Variants in ANTXR1 observed in about 807,000 individuals in gnomAD.
The protein encoded by ANTXR1 is ANTXR cell adhesion molecule 1, also known as anthrax toxin receptor 1.
Under a neutral mutation model 78.1 loss-of-function variants are expected in ANTXR1, and 19 were observed. The ratio of observed to expected loss-of-function variants is 0.24; its 90% confidence interval spans 0.17 to 0.36. The LOEUF (loss-of-function observed/expected upper bound fraction) is 0.36. Ranked by LOEUF, ANTXR1 falls within the 10% of genes least tolerant of loss-of-function variation. ANTXR1 has a pLI of 1.00. For synonymous variants in ANTXR1, 273 were observed against 260.5 expected (o/e 1.05, Z -0.46); for missense variants, 518 against 718.6 (o/e 0.72, Z 3.19).
chr2:69,160,786 C>G (rs1218555482), intron 13 of ANTXR1, among the ~76,000 whole-genome samples: 1 of 152,164 alleles, frequency 6.6e-6, no homozygotes, highest in African/African-American at 2.4e-5. Flanking sequence ...TTTATTTTGA[C>G]CCTAGAACTC....
At chr2:69,113,553 G>A (rs527489028) in intron 10 of ANTXR1, among the ~76,000 whole-genome samples, 4 of 152,282 alleles carry the variant, frequency 2.6e-5, no homozygotes, top group Admixed American at 2.6e-4. Flanking sequence ...GCACTTTAGT[G>A]GCCCAAGTGT....
chr2:69,121,559 C>G (rs1672346797), intron 10 of ANTXR1, among the ~76,000 whole-genome samples: 1 of 152,238 alleles, frequency 6.6e-6, no homozygotes, highest in Admixed American at 6.5e-5. Context: ...TCCTAACCTT[C>G]ACTCAGGCAA....
intron 1 of ANTXR1, among the ~76,000 whole-genome samples, chr2:69,027,366 C>G (rs1309515895): frequency 6.6e-6 from 1 of 152,132 alleles, no homozygotes; most frequent in Non-Finnish European, 1.5e-5. Context: ...AGGTATAGCA[C>G]AATGCGAACC....
chr2:69,180,504 A>C (rs1251069428), intron 14 of ANTXR1, among the ~76,000 whole-genome samples: 1 of 140,890 alleles, frequency 7.1e-6, no homozygotes, highest in Non-Finnish European at 1.5e-5. Flanking sequence ...TTTTCCATCC[A>C]CAGTTACAAG....
At chr2:69,165,671 G>A (rs1019951095) in intron 13 of ANTXR1, among the ~76,000 whole-genome samples, 16 of 152,226 alleles carry the variant, frequency 1.1e-4, no homozygotes, top group Admixed American at 5.2e-4. Flanking sequence ...GGCTTCAAAC[G>A]GAACGTCTAG....
rs182703480 is a variant in ANTXR1, at chr2:69,161,027, C to T, written c.1047+8763C>T. Among the ~76,000 whole-genome samples the T allele has an allele frequency of 3.1e-4, 47 of 152,302 alleles. 1 individual carries two copies. Among genetic ancestry groups the T allele is most frequent in the Admixed American group, 2.2e-3 (34 of 15,296 alleles). On this transcript the variant is annotated intron_variant, in intron 13 of 17. Coordinates refer to ENST00000303714, the MANE Select transcript of ANTXR1 (RefSeq NM_032208.3). ...CATCTTGTGAACATCATCAACTCACCCTTGTTCCTTCTGTGCCCTGCTCAG... is the reference window on the plus strand; with the variant it reads ...CATCTTGTGAACATCATCAACTCACTCTTGTTCCTTCTGTGCCCTGCTCAG...
chr2:69,087,419 C>T (rs1671088725), intron 8 of ANTXR1, among the ~76,000 whole-genome samples: 1 of 152,180 alleles, frequency 6.6e-6, no homozygotes. Flanking sequence ...TCACACTGCT[C>T]ATGAGTGAGT....
chr2:69,117,656 G>A (rs1672193377), intron 10 of ANTXR1, among the ~76,000 whole-genome samples: 1 of 152,144 alleles, frequency 6.6e-6, no homozygotes, highest in South Asian at 2.1e-4. Context: ...ATACATCCAT[G>A]TAGTCTATTT....
chr2:69,132,930 T>C (rs1672796470), intron 12 of ANTXR1, among the ~76,000 whole-genome samples: 1 of 152,214 alleles, frequency 6.6e-6, no homozygotes, highest in South Asian at 2.1e-4. Flanking sequence ...GAGGTAAATA[T>C]TATACAATTT....
intron 3 of ANTXR1, among the ~76,000 whole-genome samples, chr2:69,045,825 C>T (rs558935910): frequency 3.3e-5 from 5 of 152,134 alleles, no homozygotes; most frequent in African/African-American, 1.2e-4. Flanking sequence ...GCATGCATTT[C>T]ATTCAAAAAA....
Position 69,190,416 on chromosome 2 carries a change from A to C in ANTXR1, c.1354-2919A>C, listed in dbSNP as rs539580255. 2.0e-5 allele frequency among the ~76,000 whole-genome samples: 3 copies of C among 152,322 alleles called. No individual in the cohort carries two copies. The South Asian group carries it at 6.2e-4, about 32-fold the overall frequency. ...ATGCTTACAAAGTTCAAATTGCTGG[A>C]TTCCTACACTCTGTATTACATTCTT... On this transcript the variant is annotated intron_variant, in intron 16 of 17. Coordinates refer to ENST00000303714, the MANE Select transcript of ANTXR1 (RefSeq NM_032208.3).
chr2:69,203,367 A>G (rs1674819733), intron 17 of ANTXR1, among the ~76,000 whole-genome samples: 1 of 152,212 alleles, frequency 6.6e-6, no homozygotes, highest in Non-Finnish European at 1.5e-5. Context: ...TTGCTGTCTC[A>G]TTGGAGGGGG....
intron 9 of ANTXR1, among the ~76,000 whole-genome samples, chr2:69,096,317 G>GAAGGAAGGAAATCA (rs1671413854): frequency 1.5e-4 from 1 of 6,632 alleles, no homozygotes; most frequent in Non-Finnish European, 2.5e-4. Flanking sequence ...AGGAAGGGAG[G>GAAGGAAGGAAATCA]AAGGGAGGAA....
intron 1 of ANTXR1, among the ~76,000 whole-genome samples, chr2:69,028,005 A>G (rs1671401788): frequency 6.6e-6 from 1 of 152,236 alleles, no homozygotes; most frequent in African/African-American, 2.4e-5. Flanking sequence ...AATGCAGAAA[A>G]TGAAATAAAT....
intron 17 of ANTXR1, among the ~76,000 whole-genome samples, chr2:69,217,067 T>C (rs1051645719): frequency 6.6e-6 from 1 of 152,220 alleles, no homozygotes; most frequent in Non-Finnish European, 1.5e-5. Flanking sequence ...ATGAATCTAG[T>C]GAGACTTGCA....
At chr2:69,145,422 G>A (rs752794249) in intron 12 of ANTXR1, 16 of 1,566,100 alleles carry the variant, frequency 1.0e-5, no homozygotes, top group East Asian at 2.4e-5. Flanking sequence ...TCCTGAAAAC[G>A]GGGAGAGAGG....
chr2:69,083,829 G>A (rs1411942774), intron 8 of ANTXR1, among the ~76,000 whole-genome samples: 3 of 152,088 alleles, frequency 2.0e-5, no homozygotes, highest in Non-Finnish European at 2.9e-5. Context: ...TAGCAGGCTT[G>A]GATACGAAAC....
At chr2:69,189,417 A>T (rs1674500034) in intron 16 of ANTXR1, among the ~76,000 whole-genome samples, 1 of 152,258 alleles carries the variant, frequency 6.6e-6, no homozygotes, top group African/African-American at 2.4e-5. Flanking sequence ...ACCAGAGCAC[A>T]GAGGGGTTAG....
At chr2:69,054,308 A>C (rs1219070775) in intron 3 of ANTXR1, among the ~76,000 whole-genome samples, 1 of 152,168 alleles carries the variant, frequency 6.6e-6, no homozygotes, top group African/African-American at 2.4e-5. Context: ...CCATGATTTT[A>C]CTATTACGTA....
Sources: allele counts gnomAD v4.1 joint callset (sites outside exome capture counted in the v4.1 genomes callset), GRCh38; gene constraint gnomAD v4.1.1; transcripts MANE v1.5; gene names NCBI Gene and HGNC (gene_info 2026-07-23, HGNC 2026-07-21).